RSPO3: variants seen among roughly 807,000 people sequenced by gnomAD.
The protein encoded by RSPO3 is R-spondin 3, also known as R-spondin-3.
A neutral mutation model predicts 36.5 loss-of-function variants in RSPO3; 17 were observed. The observed-to-expected ratio is 0.47, with a 90% CI of 0.32 to 0.70. The LOEUF (loss-of-function observed/expected upper bound fraction) is 0.70. Ranked by LOEUF, RSPO3 falls within the 30% of genes least tolerant of loss-of-function variation. The pLI is 0.04. For missense variants in RSPO3, 294 were observed against 322.5 expected (o/e 0.91, Z 0.68); for synonymous variants, 108 against 107.0 (o/e 1.01, Z -0.06).
intron 4 of RSPO3, among the ~76,000 whole-genome samples, chr6:127,179,377 C>A (rs2114629615): frequency 6.6e-6 from 1 of 151,924 alleles, no homozygotes; most frequent in South Asian, 2.1e-4. Context: ...TCAATAAATT[C>A]ACCTTATCCA....
chr6:127,171,029 T>C (rs1161099667), intron 4 of RSPO3, among the ~76,000 whole-genome samples: 4 of 151,844 alleles, frequency 2.6e-5, no homozygotes, highest in South Asian at 4.2e-4. Flanking sequence ...TTAAGGTAGT[T>C]ATGTGTTTTT....
At chr6:127,128,954 C>A (rs939790271) in intron 1 of RSPO3, among the ~76,000 whole-genome samples, 3 of 151,976 alleles carry the variant, frequency 2.0e-5, no homozygotes, top group African/African-American at 4.8e-5. Flanking sequence ...GGGTATCAGC[C>A]ATACTCAAAC....
chr6:127,187,099 C>G (rs887303470), intron 4 of RSPO3, among the ~76,000 whole-genome samples: 1 of 152,016 alleles, frequency 6.6e-6, no homozygotes. Context: ...CAGCAGGGGG[C>G]GCCAGCGGGC....
intron 1 of RSPO3, among the ~76,000 whole-genome samples, chr6:127,143,305 CA>C (rs1562243392): frequency 6.6e-6 from 1 of 151,850 alleles, no homozygotes; most frequent in Non-Finnish European, 1.5e-5. Flanking sequence ...AGCGTACAGT[CA>C]ATGTGAGCAC....
Position 127,195,823 on chromosome 6 carries a change from G to GA in RSPO3, c.642dup (p.Gly215ArgfsTer10), listed in dbSNP as rs1182234903. The GA allele has an allele frequency of 2.0e-6, 3 of 1,497,976 alleles. No individual in the cohort carries two copies. Among genetic ancestry groups the GA allele is most frequent in the African/African-American group, 2.8e-5 (2 of 70,584 alleles). The allele number at this position is 1,497,976 out of a possible 1,614,324, so 92.8% of individuals were successfully genotyped here. A position where few individuals can be genotyped will look rare whatever the true frequency, so the allele number is the denominator to read the frequency against. ...TTAAAAGAGTATCCTTTCATTTCAG[G>GA]AAAAAAAGGAAGGGAGAGGAAAAGA... On this transcript the variant is annotated frameshift_variant and splice_region_variant, in exon 5 of 5. Coordinates refer to ENST00000356698, the MANE Select transcript of RSPO3 (RefSeq NM_032784.5). LOFTEE classifies it high-confidence loss of function.
intron 3 of RSPO3, among the ~76,000 whole-genome samples, chr6:127,152,639 A>C (rs1774512550): frequency 6.6e-6 from 1 of 152,054 alleles, no homozygotes; most frequent in African/African-American, 2.4e-5. Context: ...TTTTCTATCG[A>C]GATTTTAAAT....
At chr6:127,158,026 T>A (rs1324212916) in intron 4 of RSPO3, among the ~76,000 whole-genome samples, 1 of 150,598 alleles carries the variant, frequency 6.6e-6, no homozygotes, top group Non-Finnish European at 1.5e-5. Context: ...ATATAATATG[T>A]ATAATATATA....
intron 1 of RSPO3, among the ~76,000 whole-genome samples, chr6:127,136,531 G>A (rs1774159681): frequency 6.6e-6 from 1 of 152,216 alleles, no homozygotes; most frequent in Non-Finnish European, 1.5e-5. Context: ...ATATTAATAT[G>A]ATTTTGTACA....
At chr6:127,139,152 CA>C (rs1429076524) in intron 1 of RSPO3, among the ~76,000 whole-genome samples, 43 of 152,118 alleles carry the variant, frequency 2.8e-4, no homozygotes, top group African/African-American at 9.9e-4. Flanking sequence ...ATTCTGTTAG[CA>C]ATTTTGTGAA....
intron 1 of RSPO3, among the ~76,000 whole-genome samples, chr6:127,122,393 C>CTT (rs565551445): frequency 1.3e-5 from 2 of 151,400 alleles, no homozygotes; most frequent in African/African-American, 4.8e-5. Context: ...TTAAGAAGCA[C>CTT]TTTTTTTTTG....
intron 1 of RSPO3, among the ~76,000 whole-genome samples, chr6:127,120,521 C>T (rs74495675): frequency 0.056 from 8,533 of 152,300 alleles, 473 homozygotes; most frequent in African/African-American, 0.15. Flanking sequence ...CCCAGCGTCC[C>T]GCCCGGGAAG....
chr6:127,149,551 CAT>C lies in RSPO3; in HGVS notation c.289+715_289+716del, dbSNP rs571581819. Among the ~76,000 whole-genome samples, 1,362 of 152,174 alleles carry C rather than the reference CAT, an allele frequency of 9.0e-3. 6 individuals are homozygous for C. Among genetic ancestry groups the C allele is most frequent in the Non-Finnish European group, 0.015 (1,044 of 67,986 alleles). ...GTCTTATATCATTGATGATTTTGCT[CAT>C]ATGTCACCTTCTCAGAGAGACATTC... On this transcript the variant is annotated intron_variant, in intron 2 of 4. Transcript: ENST00000356698.
At chr6:127,163,744 G>C (rs1285954657) in intron 4 of RSPO3, among the ~76,000 whole-genome samples, 1 of 151,912 alleles carries the variant, frequency 6.6e-6, no homozygotes, top group East Asian at 1.9e-4. Context: ...TAATATATTA[G>C]CATGTTATCT....
intron 2 of RSPO3, 31 bp downstream of exon 2, chr6:127,148,870 C>A: frequency 6.4e-7 from 1 of 1,557,658 alleles, no homozygotes; most frequent in Non-Finnish European, 8.8e-7. Context: ...GTATTTTTAT[C>A]TCATCTTTGG....
At chr6:127,158,992 T>C (rs1774650988) in intron 4 of RSPO3, among the ~76,000 whole-genome samples, 2 of 152,182 alleles carry the variant, frequency 1.3e-5, no homozygotes, top group South Asian at 4.1e-4. Flanking sequence ...CACATGTGTA[T>C]TGAAACATCA....
chr6:127,186,377 C>T (rs898691590), intron 4 of RSPO3, among the ~76,000 whole-genome samples: 2 of 152,168 alleles, frequency 1.3e-5, no homozygotes, highest in East Asian at 3.9e-4. Flanking sequence ...TCACTATGCT[C>T]AGTCATGAGA....
chr6:127,187,207 ACTAGGTCC>A (rs1265145876), intron 4 of RSPO3, among the ~76,000 whole-genome samples: 1 of 152,098 alleles, frequency 6.6e-6, no homozygotes, highest in African/African-American at 2.4e-5. Flanking sequence ...TTTTGAGAGG[ACTAGGTCC>A]AAATTGAAAA....
chr6:127,142,520 T>C (rs146089474), intron 1 of RSPO3, among the ~76,000 whole-genome samples: 115 of 152,320 alleles, frequency 7.5e-4, no homozygotes, highest in African/African-American at 2.7e-3. Context: ...AGTCCCAAGA[T>C]ATGGTAGAAA....
intron 4 of RSPO3, among the ~76,000 whole-genome samples, chr6:127,161,823 G>A (rs1370567182): frequency 6.6e-6 from 1 of 152,146 alleles, no homozygotes; most frequent in East Asian, 1.9e-4. Context: ...TAGAGTGGTA[G>A]CATTCTTCAG....
Sources: gnomAD v4.1 joint callset for allele counts (sites outside exome capture counted in the v4.1 genomes callset) on GRCh38, gnomAD v4.1.1 for gene constraint, MANE v1.5 for transcripts, NCBI Gene and HGNC (gene_info 2026-07-23, HGNC 2026-07-21) for gene names.